BRD4: variants seen among roughly 807,000 people sequenced by gnomAD.
The protein encoded by BRD4 is bromodomain containing 4, also known as bromodomain-containing protein 4.
In BRD4, 16 loss-of-function variants were observed where a neutral mutation model predicts 142.1. That is an observed-to-expected ratio of 0.11 (90% confidence interval 0.08 to 0.17). The LOEUF is 0.17. Ranked by LOEUF, BRD4 falls within the 10% of genes least tolerant of loss-of-function variation. The pLI is 1.00. For missense variants in BRD4, 1,424 were observed against 1,810.9 expected (o/e 0.79, Z 3.88); for synonymous variants, 833 against 707.5 (o/e 1.18, Z -2.82).
intron 1 of BRD4, among the ~76,000 whole-genome samples, chr19:15,309,411 A>G (rs1444218575): frequency 6.6e-6 from 1 of 152,180 alleles, no homozygotes; most frequent in East Asian, 1.9e-4. Flanking sequence ...TATCATCTAA[A>G]AGACAAACAA....
intron 1 of BRD4, among the ~76,000 whole-genome samples, chr19:15,326,538 G>A (rs1032245396): frequency 6.6e-6 from 1 of 152,022 alleles, no homozygotes; most frequent in Non-Finnish European, 1.5e-5. Context: ...CAACCAAATT[G>A]TGTTACTCAG....
intron 11 of BRD4, chr19:15,253,232 C>CT (rs772291935): frequency 3.7e-4 from 158 of 431,966 alleles, no homozygotes; most frequent in Non-Finnish European, 5.9e-4. Context: ...TTAGCTCCAT[C>CT]TCTCAGCAGG....
chr19:15,242,438 C>G (rs1028575561), intron 14 of BRD4, among the ~76,000 whole-genome samples: 1 of 152,178 alleles, frequency 6.6e-6, no homozygotes, highest in Non-Finnish European at 1.5e-5. Context: ...AGGTCCTGGG[C>G]GGGCTCTGAG....
In BRD4 at chr19:15,239,467, C is replaced by T. The variant is rs753110356; in HGVS notation, c.3501G>A (p.Gln1167=). ...CAGGGGCCCCTGGTGGCGGTGCGTT[C>T]TGCTCTGGGGGCCGGATCACAGGCC... ...VGRPVIRPPE[Q]NAPPPGAPDK... is the part of the protein sequence containing the mutation. The change falls in exon 17 of 20, where the codon CAG becomes CAA. Residue 1167 remains glutamine (Q), a synonymous_variant. Coordinates refer to ENST00000679869, the MANE Select transcript of BRD4 (RefSeq NM_001379291.1). The surrounding 1 kb of genome is among the most constrained non-coding windows in gnomAD (Gnocchi z 7.4). The T allele has an allele frequency of 6.2e-7, 1 of 1,614,156 alleles. No homozygotes were observed. The highest frequency in any genetic ancestry group is 2.2e-5 in the East Asian group (1 of 44,874).
chr19:15,311,093 C>A (rs2047966199), intron 1 of BRD4, among the ~76,000 whole-genome samples: 1 of 151,776 alleles, frequency 6.6e-6, no homozygotes, highest in Admixed American at 6.6e-5. Context: ...GAGTTTGAGA[C>A]CAGCATGGCC....
chr19:15,309,354 A>C (rs2047946292), intron 1 of BRD4, among the ~76,000 whole-genome samples: 1 of 151,918 alleles, frequency 6.6e-6, no homozygotes, highest in South Asian at 2.1e-4. Context: ...AAAAAAAAAA[A>C]AACCAACAAA....
At chr19:15,300,035 A>C (rs1318509206) in intron 1 of BRD4, among the ~76,000 whole-genome samples, 1 of 152,014 alleles carries the variant, frequency 6.6e-6, no homozygotes, top group Non-Finnish European at 1.5e-5. Context: ...ACTTGAGCCC[A>C]GGAGCTGGAG....
At chr19:15,327,675 T>A (rs1337987310) in intron 1 of BRD4, among the ~76,000 whole-genome samples, 1 of 152,164 alleles carries the variant, frequency 6.6e-6, no homozygotes, top group African/African-American at 2.4e-5. Context: ...CATAGCCATA[T>A]AATGGAGTAT....
intron 1 of BRD4, among the ~76,000 whole-genome samples, chr19:15,292,646 C>T (rs1287961309): frequency 1.3e-5 from 2 of 151,414 alleles, no homozygotes; most frequent in Admixed American, 6.6e-5. Flanking sequence ...GGCGTGGTGG[C>T]GGGCACCTGT....
At chr19:15,259,576 T>C (rs780596861) in intron 7 of BRD4, among the ~76,000 whole-genome samples, 42 of 152,230 alleles carry the variant, frequency 2.8e-4, no homozygotes, top group Admixed American at 4.6e-4. Flanking sequence ...CTTCCTGGCG[T>C]GTCCAGTTGT....
At chr19:15,256,002 C>A in intron 9 of BRD4, 62 bp downstream of exon 9, 1 of 1,589,188 alleles carries the variant, frequency 6.3e-7, no homozygotes, top group Non-Finnish European at 8.5e-7. Flanking sequence ...GTGGCCCACA[C>A]AGTCTCAGAG....
chr19:15,264,369 C>T (rs200757222), intron 6 of BRD4, 35 bp downstream of exon 6: 2 of 1,559,180 alleles, frequency 1.3e-6, no homozygotes, highest in Non-Finnish European at 1.7e-6. Context: ...ACAGCCTGCC[C>T]ACCTTGTCCC....
In BRD4 at chr19:15,312,476, C is replaced by G. The variant is rs557330259; in HGVS notation, c.-35+19814G>C. Among the ~76,000 whole-genome samples, 5 of 152,010 alleles carry G rather than the reference C, an allele frequency of 3.3e-5. No homozygotes were observed. In the East Asian group the frequency reaches 9.7e-4, roughly 29 times the overall value. On this transcript the variant is annotated intron_variant, in intron 1 of 19. Coordinates refer to ENST00000679869, the MANE Select transcript of BRD4 (RefSeq NM_001379291.1). ...TGAAACCCCGTCTCTACTAAAAATA[C>G]AAAAAATTAGCTGGGCGTGGTGGTG... is the stretch of plus-strand genomic sequence containing the variant.
At chr19:15,267,311 G>A (rs549016930) in intron 4 of BRD4, 105 bp downstream of exon 4, 3 of 1,393,712 alleles carry the variant, frequency 2.2e-6, no homozygotes, top group African/African-American at 1.4e-5. Flanking sequence ...ACGGCATGCA[G>A]TATATAATGT....
In BRD4 at chr19:15,240,171, A is replaced by G; in HGVS notation, c.3170-149T>C. ...AAGGGTCCATTAGCCCAGCTCAAAAAGGGTGAAGACCCACACAAGTGACTG... is the reference window on the plus strand; with the variant it reads ...AAGGGTCCATTAGCCCAGCTCAAAAGGGGTGAAGACCCACACAAGTGACTG... On this transcript the variant is annotated intron_variant, in intron 14 of 19. Transcript: ENST00000679869. 3.1e-6 allele frequency: 4 copies of G among 1,290,714 alleles called. No homozygotes were observed. In the East Asian group the frequency reaches 1.0e-4, roughly 33 times the overall value. 80.0% of individuals were successfully genotyped at this position (1,290,714 alleles called of 1,614,324 possible).
At chr19:15,263,146 C>A (rs1278009029) in intron 7 of BRD4, among the ~76,000 whole-genome samples, 1 of 152,218 alleles carries the variant, frequency 6.6e-6, no homozygotes, top group African/African-American at 2.4e-5. Context: ...GTAGAAGAGA[C>A]TGGGCCATGC....
intron 1 of BRD4, among the ~76,000 whole-genome samples, chr19:15,310,238 G>C (rs1449700376): frequency 1.6e-5 from 2 of 122,288 alleles, no homozygotes; most frequent in African/African-American, 3.2e-5. Flanking sequence ...TTTTGAAAGA[G>C]AGTCTCACTT....
intron 1 of BRD4, among the ~76,000 whole-genome samples, chr19:15,327,918 T>TTGG (rs1555748783): frequency 1.1e-4 from 2 of 17,850 alleles, no homozygotes; most frequent in Non-Finnish European, 2.0e-4. Flanking sequence ...GGATTTCTTT[T>TTGG]GGGGGGGGGG....
Position 15,244,754 on chromosome 19 carries a change from G to C in BRD4, c.2167C>G (p.Pro723Ala). The C allele has an allele frequency of 6.2e-7, 1 of 1,614,114 alleles. No homozygotes were observed. Among genetic ancestry groups the C allele is most frequent in the Non-Finnish European group, 8.5e-7 (1 of 1,180,010 alleles). ...DSEDSETEMA[P>A]KSKKKGHPGR... ...GGGTGCCCCTTCTTTTTTGACTTCG[G>C]AGCCATCTCTGCAGAGGAAAAGAGA... Residue 723 changes from proline (P) to alanine (A), a missense_variant, in exon 12 of 20, where the codon CCG becomes GCG. Pro to Ala is a conservative substitution (Grantham distance 27). Around this residue, in one of 16 missense-constraint regions of BRD4, gnomAD observed 598 missense variants for 647.8 expected, o/e 0.92. Transcript: ENST00000679869.
Sources: gnomAD v4.1 joint callset for allele counts (sites outside exome capture counted in the v4.1 genomes callset) on GRCh38, gnomAD v4.1.1 for gene constraint, gnomAD v4.1.1 regional missense constraint, Gnocchi (gnomAD v3.1) non-coding constraint, MANE v1.5 for transcripts, NCBI Gene and HGNC (gene_info 2026-07-23, HGNC 2026-07-21) for gene names.